Variants in ZMAT4 observed in about 807,000 individuals in gnomAD.
ZMAT4 encodes the protein zinc finger matrin-type 4.
Under a neutral mutation model 28.7 loss-of-function variants are expected in ZMAT4, and 17 were observed. The observed-to-expected ratio is 0.59, with a 90% confidence interval of 0.41 to 0.89. ZMAT4 has a LOEUF of 0.89. ZMAT4 is among the 40% of genes least tolerant of loss of function. The probability of loss-of-function intolerance (pLI) is 0.00; values close to 1 mark genes in which losing one functional copy is unlikely to be tolerated. For missense variants in ZMAT4, 240 were observed against 283.8 expected, an observed-to-expected ratio of 0.85 and a Z score of 1.11; for synonymous variants, 117 against 109.2, an observed-to-expected ratio of 1.07 and a Z score of -0.44.
chr8:40,727,980 C>G (rs1410954410), intron 3 of ZMAT4, among the ~76,000 whole-genome samples: 1 of 151,684 alleles, frequency 6.6e-6, no homozygotes, highest in Admixed American at 6.6e-5. Flanking sequence ...ATACCAAAAG[C>G]AAAAATAGGT....
intron 1 of ZMAT4, chr8:40,888,575 G>C (rs1818553757): frequency 6.6e-6 from 1 of 152,280 alleles, no homozygotes; most frequent in African/African-American, 2.4e-5. Flanking sequence ...CACCTGCACT[G>C]CTTAGAGAAG....
intron 2 of ZMAT4, among the ~76,000 whole-genome samples, chr8:40,806,200 A>G (rs1210275832): frequency 1.3e-5 from 2 of 152,234 alleles, no homozygotes; most frequent in East Asian, 1.9e-4. Flanking sequence ...AACTTTTTGC[A>G]TGTGGGCAGT....
At chr8:40,606,909 C>A (rs1423858018) in intron 5 of ZMAT4, among the ~76,000 whole-genome samples, 2 of 151,876 alleles carry the variant, frequency 1.3e-5, no homozygotes, top group African/African-American at 4.8e-5. Flanking sequence ...TTTAAAAATC[C>A]TTTTTTCTTT....
At chr8:40,567,028 G>C (rs1024061819) in intron 6 of ZMAT4, among the ~76,000 whole-genome samples, 1 of 152,100 alleles carries the variant, frequency 6.6e-6, no homozygotes, top group East Asian at 1.9e-4. Context: ...AAATCAAAAA[G>C]AGTAAAGTGC....
At chr8:40,775,315 T>C (rs938427862) in intron 2 of ZMAT4, among the ~76,000 whole-genome samples, 6 of 152,204 alleles carry the variant, frequency 3.9e-5, no homozygotes, top group African/African-American at 1.4e-4. Context: ...CTTCCATCTC[T>C]AAACTCCATG....
At chr8:40,645,841 G>A (rs1404883249) in intron 5 of ZMAT4, among the ~76,000 whole-genome samples, 2 of 152,062 alleles carry the variant, frequency 1.3e-5, no homozygotes, top group East Asian at 3.8e-4. Context: ...ATTCACAGTT[G>A]TATGTATATA....
chr8:40,590,930 A>G (rs1585726074), intron 5 of ZMAT4, among the ~76,000 whole-genome samples: 1 of 152,148 alleles, frequency 6.6e-6, no homozygotes, highest in Non-Finnish European at 1.5e-5. Flanking sequence ...AATATAATTC[A>G]GCTCATGTGT....
chr8:40,680,345 C>T (rs1369464515), intron 4 of ZMAT4, among the ~76,000 whole-genome samples: 1 of 152,012 alleles, frequency 6.6e-6, no homozygotes, highest in Non-Finnish European at 1.5e-5. Context: ...GTTTTTGGGG[C>T]TAAAACAAGG....
At chr8:40,661,924 T>C (rs936177942) in intron 5 of ZMAT4, among the ~76,000 whole-genome samples, 1 of 152,186 alleles carries the variant, frequency 6.6e-6, no homozygotes, top group African/African-American at 2.4e-5. Context: ...CATGATATTG[T>C]CAGCTTCTTC....
intron 5 of ZMAT4, among the ~76,000 whole-genome samples, chr8:40,607,141 T>C (rs1022141115): frequency 1.0e-5 from 1 of 97,988 alleles, no homozygotes; most frequent in African/African-American, 3.4e-5. Flanking sequence ...TTTTTTTTTT[T>C]TGAGATGGAG....
intron 4 of ZMAT4, among the ~76,000 whole-genome samples, chr8:40,691,329 TG>T (rs898081971): frequency 1.3e-5 from 2 of 151,636 alleles, no homozygotes; most frequent in Non-Finnish European, 2.9e-5. Flanking sequence ...GCACTGCTCT[TG>T]GGGGCCATTT....
intron 3 of ZMAT4, among the ~76,000 whole-genome samples, chr8:40,737,183 A>G (rs1423057176): frequency 2.0e-5 from 3 of 151,004 alleles, no homozygotes; most frequent in Non-Finnish European, 3.0e-5. Context: ...AAATTTGTAA[A>G]CTTTCTTAAA....
intron 5 of ZMAT4, among the ~76,000 whole-genome samples, chr8:40,666,331 G>A (rs1808411864): frequency 6.6e-6 from 1 of 152,146 alleles, no homozygotes; most frequent in Admixed American, 6.5e-5. Context: ...GTAGAGACAG[G>A]TATCATCTTT....
intron 5 of ZMAT4, among the ~76,000 whole-genome samples, chr8:40,650,955 C>G (rs1807614434): frequency 6.6e-6 from 1 of 150,906 alleles, no homozygotes; most frequent in Admixed American, 6.6e-5. Context: ...CTATGACAAA[C>G]CCACAGCCAA....
chr8:40,732,834 CTTTTT>C (rs11461186), intron 3 of ZMAT4, among the ~76,000 whole-genome samples: 2 of 67,078 alleles, frequency 3.0e-5, no homozygotes, highest in South Asian at 6.8e-4. Context: ...GCAAGACCTC[CTTTTT>C]TTTTTTTTTT....
In ZMAT4 at chr8:40,796,837, G is replaced by A. The variant is rs76737998; in HGVS notation, c.102+28738C>T. ...CTTCTGAGTGTCAGGGAAACTGCAA[G>A]AAGTCCCAGAACAGAAAGCCACCTG... On this transcript the variant is annotated intron_variant, in intron 2 of 6. Coordinates refer to ENST00000297737, the MANE Select transcript of ZMAT4 (RefSeq NM_024645.3). 2.6e-5 allele frequency among the ~76,000 whole-genome samples: 4 copies of A among 152,256 alleles called. No homozygotes were observed. In the East Asian group the frequency reaches 7.7e-4, roughly 29 times the overall value.
intron 5 of ZMAT4, among the ~76,000 whole-genome samples, chr8:40,589,256 C>A (rs112360711): frequency 2.0e-5 from 3 of 152,298 alleles, no homozygotes; most frequent in African/African-American, 7.2e-5. Flanking sequence ...CTGAGGTATG[C>A]AGACTTACTC....
At chr8:40,794,069 G>A (rs1814478913) in intron 2 of ZMAT4, among the ~76,000 whole-genome samples, 1 of 151,878 alleles carries the variant, frequency 6.6e-6, no homozygotes, top group African/African-American at 2.4e-5. Context: ...TGCCTTAGGA[G>A]ACATCAAAAG....
At chr8:40,545,641 C>T (rs1803176621) in intron 6 of ZMAT4, among the ~76,000 whole-genome samples, 1 of 152,074 alleles carries the variant, frequency 6.6e-6, no homozygotes, top group Admixed American at 6.6e-5. Context: ...AGTTCTGCTG[C>T]CACAAGCCAA....
Sources: allele counts gnomAD v4.1 joint callset (sites outside exome capture counted in the v4.1 genomes callset), GRCh38; gene constraint gnomAD v4.1.1; transcripts MANE v1.5; gene names NCBI Gene and HGNC (gene_info 2026-07-23, HGNC 2026-07-21).